The following TP63 variants were observed in gnomAD, a reference collection of about 807,000 sequenced individuals.
TP63 encodes the protein tumor protein 63.
A neutral mutation model predicts 82.8 loss-of-function variants in TP63; 17 were observed. That is an observed-to-expected ratio of 0.21 (90% confidence interval 0.14 to 0.31). TP63 has a LOEUF of 0.31. TP63 is among the 10% of genes least tolerant of loss of function. TP63 has a pLI of 1.00. For synonymous variants in TP63, 330 were observed against 321.7 expected (o/e 1.03, Z -0.28); for missense variants, 648 against 895.3 (o/e 0.72, Z 3.52).
At chr3:189,879,272 G>T (rs1027746471) in intron 10 of TP63, among the ~76,000 whole-genome samples, 1 of 152,164 alleles carries the variant, frequency 6.6e-6, no homozygotes, top group Admixed American at 6.5e-5. Flanking sequence ...AAGCCAATCT[G>T]GGAAACAATT....
chr3:189,642,499 A>G (rs968201065), intron 1 of TP63, among the ~76,000 whole-genome samples: 7 of 152,086 alleles, frequency 4.6e-5, no homozygotes, highest in African/African-American at 1.7e-4. Flanking sequence ...AGGTTCAAAA[A>G]TCTCACTCTG....
At position 189,703,966 on chromosome 3, in the gene TP63, A is replaced by G. The variant is rs146557146; in HGVS notation, c.63-33774A>G. ...CTCTAATAAACATTCACTTACTAGA[A>G]AGGACTCTATAGTTATCACTTACAC... On this transcript the variant is annotated intron_variant, in intron 1 of 13. Transcript: ENST00000264731. Among the ~76,000 whole-genome samples the G allele has an allele frequency of 9.2e-5, 14 of 152,302 alleles. No homozygotes were observed. The East Asian group carries it at 2.7e-3, about 29-fold the overall frequency.
intron 3 of TP63, among the ~76,000 whole-genome samples, chr3:189,791,978 A>G (rs574507833): frequency 7.0e-4 from 107 of 152,234 alleles, no homozygotes; most frequent in African/African-American, 2.5e-3. Context: ...TTAAAAATGA[A>G]AAAGGCATAA....
chr3:189,761,362 C>T (rs1352678299), intron 3 of TP63, among the ~76,000 whole-genome samples: 1 of 143,382 alleles, frequency 7.0e-6, no homozygotes, highest in Non-Finnish European at 1.6e-5. Context: ...TTTCTTCCAC[C>T]AGATACCCTA....
the TP63 span, among the ~76,000 whole-genome samples, chr3:189,625,778 G>C: frequency 6.6e-6 from 1 of 152,158 alleles, no homozygotes; most frequent in African/African-American, 2.4e-5. Flanking sequence ...TTTGAGCAAA[G>C]GAGGGGTGGG....
At chr3:189,662,091 C>A (rs982203791) in intron 1 of TP63, among the ~76,000 whole-genome samples, 3 of 151,840 alleles carry the variant, frequency 2.0e-5, no homozygotes, top group Non-Finnish European at 4.4e-5. Flanking sequence ...TTAGTCATTT[C>A]TTTTCTTGTG....
chr3:189,788,729 A>G (rs1372529695), intron 3 of TP63, among the ~76,000 whole-genome samples: 2 of 152,056 alleles, frequency 1.3e-5, no homozygotes, highest in East Asian at 1.9e-4. Flanking sequence ...CAGATTCTAC[A>G]TGAATGTTGG....
chr3:189,771,293 ATTATAT>A (rs1723323992), intron 3 of TP63, among the ~76,000 whole-genome samples: 1 of 138,834 alleles, frequency 7.2e-6, no homozygotes, highest in East Asian at 2.0e-4. Context: ...ATAAATATAT[ATTATAT>A]TTATATATAT....
the TP63 span, among the ~76,000 whole-genome samples, chr3:189,600,030 T>G: frequency 1.5e-4 from 23 of 152,202 alleles, no homozygotes; most frequent in Admixed American, 1.5e-3. Flanking sequence ...AATCACGTAA[T>G]TGAGAAATAA....
At chr3:189,806,759 T>C (rs1312845898) in intron 3 of TP63, among the ~76,000 whole-genome samples, 1 of 152,114 alleles carries the variant, frequency 6.6e-6, no homozygotes, top group Non-Finnish European at 1.5e-5. Flanking sequence ...AATGGGGACA[T>C]GGCATTCGGC....
chr3:189,827,343 T>A (rs985255534), intron 4 of TP63, among the ~76,000 whole-genome samples: 2 of 152,192 alleles, frequency 1.3e-5, no homozygotes, highest in African/African-American at 2.4e-5. Flanking sequence ...ACTTGCCTTG[T>A]GATACCCACC....
intron 4 of TP63, among the ~76,000 whole-genome samples, chr3:189,855,009 G>A (rs2108774486): frequency 6.6e-6 from 1 of 152,264 alleles, no homozygotes; most frequent in East Asian, 1.9e-4. Flanking sequence ...ATTATTTGTA[G>A]TAGAATAGAG....
intron 4 of TP63, among the ~76,000 whole-genome samples, chr3:189,837,092 CA>C (rs1347699714): frequency 1.3e-5 from 2 of 152,058 alleles, no homozygotes; most frequent in Non-Finnish European, 2.9e-5. Flanking sequence ...ACGATGCTTC[CA>C]AATATATACT....
intron 1 of TP63, among the ~76,000 whole-genome samples, chr3:189,680,588 A>G (rs1236704389): frequency 6.6e-6 from 1 of 152,200 alleles, no homozygotes; most frequent in Non-Finnish European, 1.5e-5. Context: ...ATACACCATG[A>G]TCAAATGGGA....
chr3:189,693,683 C>T (rs1717122472), intron 1 of TP63, among the ~76,000 whole-genome samples: 5 of 152,130 alleles, frequency 3.3e-5, no homozygotes, highest in Admixed American at 6.5e-5. Context: ...TGAATATATA[C>T]GGCTATAGTA....
At chr3:189,720,160 G>A (rs1283739085) in intron 1 of TP63, among the ~76,000 whole-genome samples, 1 of 152,008 alleles carries the variant, frequency 6.6e-6, no homozygotes, top group Non-Finnish European at 1.5e-5. Context: ...TCTTTGTTTT[G>A]TAGGTAGACT....
chr3:189,817,006 G>GA (rs397715430), intron 4 of TP63, among the ~76,000 whole-genome samples: 18 of 149,478 alleles, frequency 1.2e-4, no homozygotes, highest in Admixed American at 2.0e-4. Flanking sequence ...TCATGTGGGG[G>GA]AAAAAAAAAA....
intron 3 of TP63, among the ~76,000 whole-genome samples, chr3:189,751,226 A>G (rs1277529236): frequency 1.3e-5 from 2 of 151,910 alleles, no homozygotes; most frequent in East Asian, 3.9e-4. Context: ...TCATTGATGG[A>G]CCTTTGGGTT....
upstream of TP63, among the ~76,000 whole-genome samples, chr3:189,630,760 A>G (rs998280540): frequency 6.6e-6 from 1 of 152,090 alleles, no homozygotes; most frequent in Non-Finnish European, 1.5e-5. Flanking sequence ...CGGGTCAGGC[A>G]AAGCTTCTAA....
Sources: gnomAD v4.1 joint callset for allele counts (sites outside exome capture counted in the v4.1 genomes callset) on GRCh38, gnomAD v4.1.1 for gene constraint, MANE v1.5 for transcripts, NCBI Gene and HGNC (gene_info 2026-07-23, HGNC 2026-07-21) for gene names.